FGF12: variants seen among roughly 807,000 people sequenced by gnomAD.
FGF12 encodes the protein fibroblast growth factor 12B.
In FGF12, 14 loss-of-function variants were observed where a neutral mutation model predicts 23.6. The observed-to-expected ratio is 0.59, with a 90% CI of 0.39 to 0.93. FGF12 has a LOEUF of 0.93. Ranked by LOEUF, FGF12 falls within the 40% of genes least tolerant of loss-of-function variation. FGF12 has a pLI of 0.00. For missense variants in FGF12, 175 were observed against 217.8 expected (o/e 0.80, Z 1.24); for synonymous variants, 62 against 77.3 (o/e 0.80, Z 1.04).
intron 2 of FGF12, among the ~76,000 whole-genome samples, chr3:192,649,308 C>A (rs1319120911): frequency 6.6e-6 from 1 of 152,092 alleles, no homozygotes; most frequent in Non-Finnish European, 1.5e-5. Context: ...AGTAGAGTGA[C>A]CCCAATGGTA....
At chr3:192,300,643 T>C (rs1389390396) in intron 4 of FGF12, among the ~76,000 whole-genome samples, 1 of 152,050 alleles carries the variant, frequency 6.6e-6, no homozygotes, top group African/African-American at 2.4e-5. Context: ...TATATATAAA[T>C]TAAAAAGTAT....
chr3:192,283,810 C>G (rs2108642514), intron 4 of FGF12, among the ~76,000 whole-genome samples: 1 of 152,138 alleles, frequency 6.6e-6, no homozygotes, highest in East Asian at 1.9e-4. Flanking sequence ...TTTTATATCA[C>G]TGCCTGAATA....
chr3:192,474,485 T>C (rs920484016), intron 2 of FGF12, among the ~76,000 whole-genome samples: 5 of 152,218 alleles, frequency 3.3e-5, no homozygotes, highest in Non-Finnish European at 7.3e-5. Flanking sequence ...TCTAGGATGA[T>C]AGAGTCCTTC....
chr3:192,612,743 T>A (rs1044050446), intron 2 of FGF12, among the ~76,000 whole-genome samples: 1 of 152,006 alleles, frequency 6.6e-6, no homozygotes, highest in African/African-American at 2.4e-5. Context: ...AAGCTGAACA[T>A]GTATTAATTT....
intron 2 of FGF12, among the ~76,000 whole-genome samples, chr3:192,647,532 A>G (rs34043582): frequency 0.41 from 61,869 of 151,506 alleles, 13,776 homozygotes; most frequent in East Asian, 0.52. Flanking sequence ...GTATTCAGGA[A>G]GTATTAAAAA....
chr3:192,380,103 A>C (rs539056676), intron 2 of FGF12, among the ~76,000 whole-genome samples: 3 of 152,212 alleles, frequency 2.0e-5, no homozygotes, highest in African/African-American at 7.2e-5. Context: ...GAAATCTCTA[A>C]GAACACTAAA....
chr3:192,576,478 A>G (rs1055889022), intron 2 of FGF12, among the ~76,000 whole-genome samples: 1 of 152,196 alleles, frequency 6.6e-6, no homozygotes, highest in Non-Finnish European at 1.5e-5. Flanking sequence ...AGGAGGTAAG[A>G]AAAGGAAGTA....
chr3:192,470,867 C>T (rs112450932), intron 2 of FGF12, among the ~76,000 whole-genome samples: 31 of 152,266 alleles, frequency 2.0e-4, no homozygotes, highest in African/African-American at 6.7e-4. Flanking sequence ...CCTCCTTGGG[C>T]TTGTGCTGCG....
At chr3:192,210,652 GAATTA>G (rs1201223537) in intron 4 of FGF12, among the ~76,000 whole-genome samples, 2 of 152,172 alleles carry the variant, frequency 1.3e-5, no homozygotes, top group African/African-American at 4.8e-5. Flanking sequence ...ATTTGTCATA[GAATTA>G]AATTAAATTT....
intron 2 of FGF12, among the ~76,000 whole-genome samples, chr3:192,702,563 G>T (rs1306005214): frequency 6.6e-6 from 1 of 152,132 alleles, no homozygotes; most frequent in Non-Finnish European, 1.5e-5. Context: ...GAGAATGAGG[G>T]AGGTAGATTG....
intron 2 of FGF12, among the ~76,000 whole-genome samples, chr3:192,427,427 C>A (rs1014014578): frequency 4.6e-5 from 7 of 150,890 alleles, no homozygotes; most frequent in African/African-American, 1.7e-4. Flanking sequence ...AGTTGTTTAA[C>A]ACTTTCTCAT....
At chr3:192,407,874 G>T in intron 2 of FGF12, 1 of 852,772 alleles carries the variant, frequency 1.2e-6, no homozygotes, top group South Asian at 1.7e-5. Flanking sequence ...TTAACTGACA[G>T]AGTGGTTGAA....
At chr3:192,594,966 T>C (rs1713779506) in intron 2 of FGF12, among the ~76,000 whole-genome samples, 1 of 148,074 alleles carries the variant, frequency 6.8e-6, no homozygotes, top group Non-Finnish European at 1.5e-5. Flanking sequence ...TACTACTGAT[T>C]AGAGTTAAAA....
At chr3:192,169,289 C>T (rs143268964) in intron 5 of FGF12, among the ~76,000 whole-genome samples, 10,525 of 152,036 alleles carry the variant, frequency 0.069, 444 homozygotes, top group African/African-American at 0.11. Context: ...TGCAGTGAGC[C>T]GAGATTGCAC....
intron 4 of FGF12, among the ~76,000 whole-genome samples, chr3:192,289,396 G>A (rs1714634556): frequency 6.6e-6 from 1 of 152,120 alleles, no homozygotes; most frequent in South Asian, 2.1e-4. Flanking sequence ...GTGATTTGGA[G>A]CAACAGGATA....
In FGF12 at chr3:192,142,937, A is replaced by G. The variant is rs1243332308; in HGVS notation, c.*1072T>C. The G allele has an allele frequency of 6.6e-6, 1 of 152,126 alleles. No homozygotes were observed. The highest frequency in any genetic ancestry group is 1.5e-5 in the Non-Finnish European group (1 of 67,984). The allele number at this position is 152,126 out of a possible 1,614,324, so 9.4% of individuals were successfully genotyped here. On this transcript the variant is annotated 3_prime_UTR_variant, in exon 6 of 6. Transcript: ENST00000445105. ...AAACAATATAAGACTGTGGTAAGGT[A>G]CAAACGCAAATGCAATTTGCGTTGA...
rs76950977 is a variant in FGF12 at position 192,297,894 on chromosome 3, G to A, written c.228+37467C>T. On this transcript the variant is annotated intron_variant, in intron 4 of 5. Coordinates refer to ENST00000445105, the MANE Select transcript of FGF12 (RefSeq NM_004113.6). ...CTATATTTCTCGAAAGCTCACTTCT[G>A]TACTCCAACGTGTGTGCAGTTTTTA... Among the ~76,000 whole-genome samples, 53 of 152,220 alleles carry A rather than the reference G, an allele frequency of 3.5e-4. No homozygotes were observed. In the South Asian group the frequency reaches 3.5e-3, roughly 10 times the overall value.
chr3:192,640,112 T>C (rs6803287), intron 2 of FGF12, among the ~76,000 whole-genome samples: 84,967 of 151,940 alleles, frequency 0.56, 24,188 homozygotes, highest in East Asian at 0.67. Flanking sequence ...TCATAGGTTG[T>C]GAGGTAGCAG....
chr3:192,219,047 T>C (rs1718340622), intron 4 of FGF12, among the ~76,000 whole-genome samples: 1 of 152,154 alleles, frequency 6.6e-6, no homozygotes, highest in Admixed American at 6.5e-5. Context: ...GTTATAAAAA[T>C]TAGAAACATT....
Sources: gnomAD v4.1 joint callset for allele counts (sites outside exome capture counted in the v4.1 genomes callset) on GRCh38, gnomAD v4.1.1 for gene constraint, MANE v1.5 for transcripts, NCBI Gene and HGNC (gene_info 2026-07-23, HGNC 2026-07-21) for gene names.